Variants in OPCML observed in about 807,000 individuals in gnomAD.
OPCML encodes the protein opioid binding protein/cell adhesion molecule like.
Under a neutral mutation model 37.8 loss-of-function variants are expected in OPCML, and 13 were observed. The observed-to-expected ratio is 0.34, with a 90% confidence interval of 0.22 to 0.55. The LOEUF (loss-of-function observed/expected upper bound fraction) is 0.55, where lower values mean the gene tolerates loss of function less well. Ranked by LOEUF, OPCML falls within the 20% of genes least tolerant of loss-of-function variation. OPCML has a pLI of 0.91. For synonymous variants in OPCML, 176 were observed against 168.8 expected, an observed-to-expected ratio of 1.04 and a Z score of -0.33; for missense variants, 341 against 435.6, an observed-to-expected ratio of 0.78 and a Z score of 1.93.
intron 3 of OPCML, among the ~76,000 whole-genome samples, chr11:132,578,162 A>C (rs905712001): frequency 6.6e-6 from 1 of 152,186 alleles, no homozygotes; most frequent in Non-Finnish European, 1.5e-5. Context: ...AATTTATAGC[A>C]CTGACTTCTG....
intron 2 of OPCML, chr11:132,773,044 C>A (rs1591589876): frequency 6.6e-6 from 1 of 152,334 alleles, no homozygotes; most frequent in East Asian, 1.9e-4. Context: ...GAAGGTAGAA[C>A]TGATTGGCAG....
chr11:133,222,866 G>C (rs912831748), intron 1 of OPCML, among the ~76,000 whole-genome samples: 2 of 152,186 alleles, frequency 1.3e-5, no homozygotes, highest in Non-Finnish European at 2.9e-5. Context: ...GGGCTCTGCA[G>C]TGACAGGAGG....
chr11:133,270,904 C>A lies in OPCML; in HGVS notation c.61+261360G>T, dbSNP rs578076529. Among the ~76,000 whole-genome samples the A allele has an allele frequency of 6.6e-5, 10 of 152,302 alleles. No individual in the cohort carries two copies. In the South Asian group the frequency reaches 2.1e-3, roughly 32 times the overall value. On this transcript the variant is annotated intron_variant, in intron 1 of 7. Coordinates refer to ENST00000524381, the MANE Select transcript of OPCML (RefSeq NM_001012393.5). ...AGTATACAAGGCCCAGAGAGATTCA[C>A]AGGGACGTTAGCCTGAGGAAGCTGT...
chr11:132,604,493 A>C (rs1938142257), intron 3 of OPCML, among the ~76,000 whole-genome samples: 1 of 152,028 alleles, frequency 6.6e-6, no homozygotes, highest in African/African-American at 2.4e-5. Context: ...AGTTTCCAAA[A>C]TCATCAGCTC....
chr11:133,083,314 T>G (rs1387366116), intron 1 of OPCML, among the ~76,000 whole-genome samples: 1 of 152,090 alleles, frequency 6.6e-6, no homozygotes, highest in Non-Finnish European at 1.5e-5. Context: ...CCCTCTGAGC[T>G]GCCCCTCTCC....
chr11:132,435,318 G>T, intron 7 of OPCML: 1 of 1,130,902 alleles, frequency 8.8e-7, no homozygotes, highest in Non-Finnish European at 1.2e-6. Context: ...GGTGCACGTG[G>T]AAACGTGGAT....
chr11:132,694,179 CTTTTTTTTTTTTTTTT>C (rs1162305568), intron 2 of OPCML, among the ~76,000 whole-genome samples: 1,576 of 43,012 alleles, frequency 0.037, 28 homozygotes, highest in South Asian at 0.13. Flanking sequence ...AAATCAATGT[CTTTTTTTTTTTTTTTT>C]TTTTTTTTTT....
chr11:133,193,828 T>C (rs1466579304), intron 1 of OPCML, among the ~76,000 whole-genome samples: 2 of 152,194 alleles, frequency 1.3e-5, no homozygotes, highest in African/African-American at 2.4e-5. Flanking sequence ...AGATAATGCA[T>C]TGATTTATGA....
intron 2 of OPCML, among the ~76,000 whole-genome samples, chr11:132,930,187 A>G (rs373548552): frequency 1.3e-5 from 2 of 152,046 alleles, no homozygotes; most frequent in South Asian, 4.2e-4. Context: ...AACATGGCAA[A>G]ACTCTGTCTC....
At chr11:132,464,013 CTAAA>C (rs1335295883) in intron 4 of OPCML, among the ~76,000 whole-genome samples, 1 of 152,188 alleles carries the variant, frequency 6.6e-6, no homozygotes, top group Non-Finnish European at 1.5e-5. Flanking sequence ...GTTTGAACTA[CTAAA>C]TAGTTTCTGT....
intron 1 of OPCML, among the ~76,000 whole-genome samples, chr11:133,082,724 C>A (rs1948752448): frequency 7.0e-6 from 1 of 143,740 alleles, no homozygotes; most frequent in African/African-American, 2.6e-5. Flanking sequence ...CCTCTGGAGA[C>A]CGCTTCTCCC....
intron 1 of OPCML, among the ~76,000 whole-genome samples, chr11:133,316,605 A>G (rs1398419765): frequency 6.6e-6 from 1 of 152,202 alleles, no homozygotes; most frequent in African/African-American, 2.4e-5. Context: ...CATTCTGCAC[A>G]TGTATTCCAG....
At chr11:133,129,310 T>G (rs1565461745) in intron 1 of OPCML, among the ~76,000 whole-genome samples, 1 of 152,218 alleles carries the variant, frequency 6.6e-6, no homozygotes, top group Non-Finnish European at 1.5e-5. Context: ...AGAGGGTTAG[T>G]AGTAGCAGCA....
chr11:133,440,213 A>G (rs1467061416), intron 1 of OPCML, among the ~76,000 whole-genome samples: 1 of 151,070 alleles, frequency 6.6e-6, no homozygotes, highest in East Asian at 2.0e-4. Context: ...TGACTAACTA[A>G]TGGCGAAACC....
At chr11:132,622,461 A>C (rs1464489719) in intron 3 of OPCML, among the ~76,000 whole-genome samples, 2 of 152,224 alleles carry the variant, frequency 1.3e-5, no homozygotes, top group Non-Finnish European at 2.9e-5. Context: ...TAAAAGGAAG[A>C]GGTGAAATGG....
intron 2 of OPCML, among the ~76,000 whole-genome samples, chr11:132,759,678 T>A (rs1369063961): frequency 6.6e-6 from 1 of 152,186 alleles, no homozygotes; most frequent in East Asian, 1.9e-4. Flanking sequence ...TCTTTTTGAT[T>A]CTTCTCTCTT....
At chr11:133,439,291 TG>T (rs1282338409) in intron 1 of OPCML, 44 of 951,738 alleles carry the variant, frequency 4.6e-5, no homozygotes, top group Middle Eastern at 5.3e-4. Flanking sequence ...GAGTAAAAGA[TG>T]TTTTTTTTTT....
In OPCML at chr11:133,185,972, C is replaced by T. The variant is rs1938053924; in HGVS notation, c.62-242962G>A. On this transcript the variant is annotated intron_variant, in intron 1 of 7. Coordinates refer to ENST00000524381, the MANE Select transcript of OPCML (RefSeq NM_001012393.5). ...TTCCAAGTAGTCACTGTACTTATTC[C>T]ATATGTACTTATTCCAACAATGGTA... 2.0e-5 allele frequency among the ~76,000 whole-genome samples: 3 copies of T among 152,274 alleles called. No individual in the cohort carries two copies. The South Asian group carries it at 6.2e-4, about 32-fold the overall frequency.
intron 2 of OPCML, among the ~76,000 whole-genome samples, chr11:132,803,625 A>G (rs1938819232): frequency 6.6e-6 from 1 of 152,204 alleles, no homozygotes; most frequent in Non-Finnish European, 1.5e-5. Flanking sequence ...TCCTTCACTA[A>G]TGAGCGAGGA....
Sources: gnomAD v4.1 joint callset for allele counts (sites outside exome capture counted in the v4.1 genomes callset) on GRCh38, gnomAD v4.1.1 for gene constraint, MANE v1.5 for transcripts, NCBI Gene and HGNC (gene_info 2026-07-23, HGNC 2026-07-21) for gene names.